The following CTNNA3 variants were observed in gnomAD, a reference collection of about 807,000 sequenced individuals.
CTNNA3 encodes the protein catenin alpha-3.
Under a neutral mutation model 95.7 loss-of-function variants are expected in CTNNA3, and 76 were observed. The ratio of observed to expected loss-of-function variants is 0.79; its 90% CI spans 0.66 to 0.96. The LOEUF is 0.96. Ranked by LOEUF, CTNNA3 falls within the 40% of genes least tolerant of loss-of-function variation. CTNNA3 has a pLI of 0.00. For synonymous variants in CTNNA3, 431 were observed against 374.4 expected, an observed-to-expected ratio of 1.15 and a Z score of -1.74; for missense variants, 1,191 against 1,089.8, an observed-to-expected ratio of 1.09 and a Z score of -1.31.
At chr10:67,613,063 A>G (rs1234300630) in intron 2 of CTNNA3, among the ~76,000 whole-genome samples, 1 of 152,154 alleles carries the variant, frequency 6.6e-6, no homozygotes, top group Non-Finnish European at 1.5e-5. Context: ...GTAGCTTTTG[A>G]GGCAATTTTG....
intron 16 of CTNNA3, among the ~76,000 whole-genome samples, chr10:65,975,211 T>G (rs973257531): frequency 6.6e-6 from 1 of 152,096 alleles, no homozygotes; most frequent in Non-Finnish European, 1.5e-5. Context: ...CATGGACATA[T>G]GCATGAATAG....
At chr10:67,435,411 G>A (rs1489692108) in intron 5 of CTNNA3, among the ~76,000 whole-genome samples, 1 of 151,836 alleles carries the variant, frequency 6.6e-6, no homozygotes, top group Non-Finnish European at 1.5e-5. Flanking sequence ...CATTCTCTCT[G>A]AGAAAGGGAA....
At chr10:67,194,330 G>C (rs966075670) in intron 6 of CTNNA3, among the ~76,000 whole-genome samples, 1 of 151,978 alleles carries the variant, frequency 6.6e-6, no homozygotes, top group African/African-American at 2.4e-5. Context: ...CCTTTAGTAG[G>C]TAAATGGATA....
intron 17 of CTNNA3, among the ~76,000 whole-genome samples, chr10:65,948,164 C>T (rs946114449): frequency 1.3e-4 from 20 of 151,482 alleles, no homozygotes; most frequent in Non-Finnish European, 2.4e-4. Context: ...GCCTGTAGTC[C>T]CAGCTACTCG....
intron 5 of CTNNA3, among the ~76,000 whole-genome samples, chr10:67,391,803 G>A (rs1423968717): frequency 6.6e-6 from 1 of 151,192 alleles, no homozygotes; most frequent in Non-Finnish European, 1.5e-5. Context: ...AAGCAATGGG[G>A]AAAGGATTCC....
chr10:66,849,673 C>T (rs560720675), intron 7 of CTNNA3, among the ~76,000 whole-genome samples: 3 of 151,934 alleles, frequency 2.0e-5, no homozygotes, highest in Non-Finnish European at 2.9e-5. Context: ...GAGGCAGAGC[C>T]GGAAGCCACC....
intron 7 of CTNNA3, among the ~76,000 whole-genome samples, chr10:67,016,311 C>G (rs554080551): frequency 6.6e-6 from 1 of 152,316 alleles, no homozygotes; most frequent in South Asian, 2.1e-4. Flanking sequence ...CTTACGAACT[C>G]AAACATCTTC....
chr10:67,603,954 T>C lies in CTNNA3; in HGVS notation c.292+2903A>G, dbSNP rs148922896. 4.7e-3 allele frequency among the ~76,000 whole-genome samples: 720 copies of C among 152,326 alleles called. 5 individuals carry two copies. Among genetic ancestry groups the C allele is most frequent in the African/African-American group, 0.016 (676 of 41,584 alleles). ...TTCCATTCATGGTATGTGCCCTACA[T>C]AGGTGTACCATTTTTTAATTTTTTA... On this transcript the variant is annotated intron_variant, in intron 3 of 17. Transcript: ENST00000433211.
chr10:67,650,903 A>G (rs1204936987), intron 1 of CTNNA3, among the ~76,000 whole-genome samples: 2 of 152,102 alleles, frequency 1.3e-5, no homozygotes, highest in Non-Finnish European at 2.9e-5. Context: ...CAAATATTAA[A>G]CAGAAAACAT....
intron 10 of CTNNA3, among the ~76,000 whole-genome samples, chr10:66,576,485 C>T (rs1199384597): frequency 6.6e-6 from 1 of 151,956 alleles, no homozygotes; most frequent in Non-Finnish European, 1.5e-5. Context: ...CCCCCACCAC[C>T]CTCCCCAATG....
intron 11 of CTNNA3, among the ~76,000 whole-genome samples, chr10:66,472,679 C>A (rs1052881926): frequency 3.3e-5 from 5 of 151,882 alleles, no homozygotes; most frequent in Admixed American, 1.3e-4. Context: ...ACTATAAAAA[C>A]TCAAAAAGTC....
At chr10:66,025,079 T>C (rs551386704) in intron 15 of CTNNA3, among the ~76,000 whole-genome samples, 2 of 152,380 alleles carry the variant, frequency 1.3e-5, no homozygotes, top group East Asian at 3.9e-4. Flanking sequence ...CAATATTGGC[T>C]TCTGCAAGAA....
At chr10:66,159,824 G>C (rs2084753423) in intron 13 of CTNNA3, among the ~76,000 whole-genome samples, 1 of 151,538 alleles carries the variant, frequency 6.6e-6, no homozygotes, top group African/African-American at 2.4e-5. Context: ...ATTTTTGTTG[G>C]TAATTTTTCA....
At chr10:67,734,627 CTCT>C (rs994947200) in intron 1 of CTNNA3, among the ~76,000 whole-genome samples, 3 of 152,084 alleles carry the variant, frequency 2.0e-5, no homozygotes, top group Non-Finnish European at 2.9e-5. Flanking sequence ...GAAGTCAAAG[CTCT>C]AGAGAAGCAG....
chr10:67,064,200 T>C (rs545056427), intron 7 of CTNNA3, among the ~76,000 whole-genome samples: 48 of 152,286 alleles, frequency 3.2e-4, no homozygotes, highest in African/African-American at 1.1e-3. Context: ...ATTTGAATTG[T>C]TAAAATTCCA....
intron 5 of CTNNA3, among the ~76,000 whole-genome samples, chr10:67,477,459 C>A (rs570091570): frequency 1.3e-5 from 2 of 152,178 alleles, no homozygotes; most frequent in African/African-American, 4.8e-5. Flanking sequence ...CAAATATATA[C>A]CCAGCTGCAC....
chr10:66,635,624 T>C (rs16923346), intron 9 of CTNNA3, among the ~76,000 whole-genome samples: 8,888 of 152,162 alleles, frequency 0.058, 701 homozygotes, highest in African/African-American at 0.18. Flanking sequence ...ACAGAAGGTG[T>C]TGCATAGGAC....
At chr10:66,940,949 T>TA (rs575327158) in intron 7 of CTNNA3, among the ~76,000 whole-genome samples, 82 of 152,310 alleles carry the variant, frequency 5.4e-4, no homozygotes, top group African/African-American at 1.9e-3. Flanking sequence ...CAAAGTGTTG[T>TA]AAAAAAATGC....
intron 6 of CTNNA3, among the ~76,000 whole-genome samples, chr10:67,201,361 T>C (rs770742197): frequency 2.6e-5 from 4 of 152,208 alleles, no homozygotes; most frequent in Admixed American, 1.3e-4. Flanking sequence ...CATACTCCTT[T>C]TCCATCTGCA....
Sources: gnomAD v4.1 joint callset for allele counts (sites outside exome capture counted in the v4.1 genomes callset) on GRCh38, gnomAD v4.1.1 for gene constraint, MANE v1.5 for transcripts, NCBI Gene and HGNC (gene_info 2026-07-23, HGNC 2026-07-21) for gene names.